The following FLT4 variants were observed in gnomAD, a reference collection of about 807,000 sequenced individuals.
The protein encoded by FLT4 is vascular endothelial growth factor receptor 3.
A neutral mutation model predicts 163.2 loss-of-function variants in FLT4; 30 were observed. The ratio of observed to expected loss-of-function variants is 0.18; its 90% CI spans 0.14 to 0.25. The LOEUF is 0.25. FLT4 is among the 10% of genes least tolerant of loss of function. The pLI is 1.00. For missense variants in FLT4, 1,510 were observed against 1,863.8 expected, an observed-to-expected ratio of 0.81 and a Z score of 3.50; for synonymous variants, 884 against 789.5, an observed-to-expected ratio of 1.12 and a Z score of -2.01.
intron 12 of FLT4, among the ~76,000 whole-genome samples, chr5:180,622,348 C>CTCT (rs371237897): frequency 1.8e-4 from 27 of 151,810 alleles, no homozygotes; most frequent in African/African-American, 6.3e-4. Flanking sequence ...TCCTGGGCTC[C>CTCT]GCTCTCCTGA....
In FLT4 at chr5:180,603,217, G is replaced by C. The variant is rs1288288148; in HGVS notation, c.4067C>G (p.Thr1356Ser). 6.2e-7 allele frequency: 1 copy of C among 1,613,970 alleles called. No homozygotes were observed. Among genetic ancestry groups the C allele is most frequent in the African/African-American group, 1.3e-5 (1 of 74,960 alleles). ...TTAGTAGCTGTTGTCTGTGAAGAAA[G>C]TCACGCGGGCAGACGGGGAGCAGTG... Reference protein sequence around the residue: ...EDHCSPSARVTFFTDNSY With the variant: ...EDHCSPSARVSFFTDNSY The change falls in exon 30 of 30, where the codon ACT becomes AGT. Residue 1356 changes from threonine to serine, a missense_variant. Coordinates refer to ENST00000261937, the MANE Select transcript of FLT4 (RefSeq NM_182925.5).
intron 29 of FLT4, chr5:180,608,195 A>G (rs1227465272): frequency 2.9e-6 from 2 of 700,692 alleles, no homozygotes. Flanking sequence ...TAGAAGAAAT[A>G]GCGAAAGTCT....
chr5:180,622,927 C>CT (rs1554113587), intron 11 of FLT4, 88 bp from the exon 12 acceptor site: 9 of 555,440 alleles, frequency 1.6e-5, no homozygotes, highest in East Asian at 8.0e-5. Flanking sequence ...CGCTGTGCAC[C>CT]ACCCCCCCCA....
chr5:180,630,386 G>C lies in FLT4; in HGVS notation c.401-49C>G, dbSNP rs368166423. On this transcript the variant is annotated intron_variant, in intron 3 of 29. Coordinates refer to ENST00000261937, the MANE Select transcript of FLT4 (RefSeq NM_182925.5). This position sits in a 1 kb window ranked among gnomAD's most constrained non-coding sequence, Gnocchi z 6.3. Reference sequence around the variant, plus strand: ...GGGGAAGGGACGTGGCGGCCAGGCTGGGGGAGGGCTCCACGGGGCTGGGTG... The same window carrying C: ...GGGGAAGGGACGTGGCGGCCAGGCTCGGGGAGGGCTCCACGGGGCTGGGTG... 1.3e-5 allele frequency: 21 copies of C among 1,572,062 alleles called. No homozygotes were observed. In the African/African-American group the frequency reaches 2.3e-4, roughly 17 times the overall value.
rs570836398 is a variant in FLT4, at chr5:180,644,030, C to T, written c.58+5458G>A. 1.1e-4 allele frequency among the ~76,000 whole-genome samples: 16 copies of T among 152,270 alleles called. No homozygotes were observed. In the East Asian group the frequency reaches 1.4e-3, roughly 13 times the overall value. The stretch of plus-strand genomic sequence containing the variant: ...AGAGATGGGGTTTCACCGTGTTGGC[C>T]AGGCTCTCAAACTCTTAACCTTGTG... On this transcript the variant is annotated intron_variant, in intron 1 of 29. Coordinates refer to ENST00000261937, the MANE Select transcript of FLT4 (RefSeq NM_182925.5).
intron 25 of FLT4, 43 bp downstream of exon 25, chr5:180,612,968 C>T (rs763883811): frequency 1.5e-5 from 23 of 1,495,198 alleles, no homozygotes; most frequent in Middle Eastern, 1.7e-4. Context: ...ACGCCCCCGA[C>T]GCTTGCTGTC....
chr5:180,621,325 G>T, intron 13 of FLT4, 73 bp from the exon 14 acceptor site: 1 of 1,540,482 alleles, frequency 6.5e-7, no homozygotes, highest in Non-Finnish European at 8.8e-7. Context: ...GCTGGGAGCA[G>T]AGGTAGAAAA....
chr5:180,627,710 A>C (rs1039384250), intron 8 of FLT4, among the ~76,000 whole-genome samples: 1 of 152,122 alleles, frequency 6.6e-6, no homozygotes. Flanking sequence ...CTGCCTGAGG[A>C]CTGGGTAGAC....
At chr5:180,634,810 A>AGG (rs1561747850) in intron 1 of FLT4, among the ~76,000 whole-genome samples, 1,472 of 3,390 alleles carry the variant, frequency 0.43, 712 homozygotes, top group Middle Eastern at 1. Flanking sequence ...AGATGGGTGG[A>AGG]TGGGTGGGTG....
intron 7 of FLT4, 123 bp from the exon 8 acceptor site, chr5:180,629,122 GC>G: frequency 6.9e-7 from 1 of 1,442,884 alleles, no homozygotes. Context: ...TGGCCATGCC[GC>G]CCGGTGCAGG....
chr5:180,614,003 G>T, intron 24 of FLT4, 65 bp downstream of exon 24: 1 of 1,131,002 alleles, frequency 8.8e-7, no homozygotes, highest in Non-Finnish European at 1.4e-6. Context: ...CAGCAGGGGC[G>T]GTCATGTAAC....
chr5:180,633,795 G>A (rs77667605), intron 1 of FLT4, among the ~76,000 whole-genome samples: 2,196 of 152,230 alleles, frequency 0.014, 57 homozygotes, highest in African/African-American at 0.048. Context: ...AGACCCGTCC[G>A]GATGAATAGA....
At position 180,620,648 on chromosome 5, in the gene FLT4, G is replaced by A. The variant is rs1336675566; in HGVS notation, c.2367C>T (p.Phe789=). 5.0e-6 allele frequency: 8 copies of A among 1,613,430 alleles called. 1 individual carries two copies. In the South Asian group the frequency reaches 8.8e-5, roughly 18 times the overall value. The change falls in exon 16 of 30, where the codon TTC becomes TTT. Residue 789 remains phenylalanine (F), a synonymous_variant. Coordinates refer to ENST00000261937, the MANE Select transcript of FLT4 (RefSeq NM_182925.5). The surrounding 1 kb of genome is among the most constrained non-coding windows in gnomAD (Gnocchi z 4.4). ...AGAAGATGAGGAGGAGGAGGACCCA[G>A]AAGAAGACAGCGATGACGCCGGTAC... ...LVGTGVIAVF[F]WVLLLLIFCN...
Position 180,623,877 on chromosome 5 carries a change from CCT to C in FLT4, c.1548+56_1548+57del, listed in dbSNP as rs1053954707. Reference sequence around the variant, plus strand: ...GGTGGAAACCACATGGCAGTAATGGCCTCTCTCTCCTCCCTTCTCCTTCTCCC... The same window carrying C: ...GGTGGAAACCACATGGCAGTAATGGCCTCTCTCCTCCCTTCTCCTTCTCCC... On this transcript the variant is annotated intron_variant, in intron 11 of 29. Transcript: ENST00000261937. This position sits in a 1 kb window ranked among gnomAD's most constrained non-coding sequence, Gnocchi z 5.8. 101 of 1,598,060 alleles carry C rather than the reference CCT, an allele frequency of 6.3e-5. No homozygotes were observed. The African/African-American group carries it at 1.1e-3, about 18-fold the overall frequency.
chr5:180,611,600 C>A (rs1256835890), intron 26 of FLT4, 121 bp from the exon 27 acceptor site: 6 of 1,069,654 alleles, frequency 5.6e-6, no homozygotes, highest in African/African-American at 3.2e-5. Context: ...GCCCTCGCCC[C>A]CGCACTCAGC....
intron 29 of FLT4, among the ~76,000 whole-genome samples, chr5:180,604,057 T>A (rs532810880): frequency 6.3e-4 from 96 of 152,086 alleles, no homozygotes; most frequent in Admixed American, 2.0e-3. Context: ...CAGGGTCTGA[T>A]GGGAACCACC....
chr5:180,625,785 G>A (rs552173328), intron 10 of FLT4, 84 bp downstream of exon 10: 126 of 1,291,982 alleles, frequency 9.8e-5, no homozygotes, highest in Non-Finnish European at 1.4e-4. Context: ...CCTGGGCAGT[G>A]AGGGGTGCTG....
At position 180,625,292 on chromosome 5, in the gene FLT4, C is replaced by T. The variant is rs561735232; in HGVS notation, c.1421+577G>A. On this transcript the variant is annotated intron_variant, in intron 10 of 29. Transcript: ENST00000261937. ...TTGTCTAAATGTCCTGCTGGCATCC[C>T]GCTCAGTGGAGGGGAGCACGGCTCA... 8.5e-5 allele frequency among the ~76,000 whole-genome samples: 13 copies of T among 152,368 alleles called. No individual in the cohort carries two copies. In the South Asian group the frequency reaches 2.3e-3, roughly 27 times the overall value.
At position 180,637,627 on chromosome 5, in the gene FLT4, G is replaced by T. The variant is rs140566568; in HGVS notation, c.59-5849C>A. ...GGCTCACTGCAACGTCCACCTTCCG[G>T]GTTCAAGTGATTCTCCTGCCTCAAC... On this transcript the variant is annotated intron_variant, in intron 1 of 29. Coordinates refer to ENST00000261937, the MANE Select transcript of FLT4 (RefSeq NM_182925.5). 2.1e-3 allele frequency among the ~76,000 whole-genome samples: 325 copies of T among 152,262 alleles called. 1 individual carries two copies. The highest frequency in any genetic ancestry group is 7.1e-3 in the African/African-American group (295 of 41,558).
Sources: allele counts gnomAD v4.1 joint callset (sites outside exome capture counted in the v4.1 genomes callset), GRCh38; gene constraint gnomAD v4.1.1; non-coding constraint Gnocchi (gnomAD v3.1); transcripts MANE v1.5; gene names NCBI Gene and HGNC (gene_info 2026-07-23, HGNC 2026-07-21).